Variants in TNKS observed in about 807,000 individuals in gnomAD.
TNKS encodes poly [ADP-ribose] polymerase tankyrase-1.
TNKS carries 72 observed loss-of-function variants against 135.8 expected under a neutral mutation model. That is an observed-to-expected ratio of 0.53 (90% confidence interval 0.44 to 0.64). TNKS has a LOEUF of 0.64. Ranked by LOEUF, TNKS falls within the 30% of genes least tolerant of loss-of-function variation. TNKS has a pLI of 0.00. For synonymous variants in TNKS, 849 were observed against 649.3 expected (o/e 1.31, Z -4.68); for missense variants, 1,769 against 1,674.0 (o/e 1.06, Z -0.99).
intron 5 of TNKS, among the ~76,000 whole-genome samples, chr8:9,703,457 C>T (rs1563178267): frequency 6.6e-6 from 1 of 152,150 alleles, no homozygotes; most frequent in Non-Finnish European, 1.5e-5. Context: ...AGCTGAGACA[C>T]ACGAGTAGCA....
chr8:9,726,830 C>G, intron 13 of TNKS, 110 bp downstream of exon 13: 4 of 887,558 alleles, frequency 4.5e-6, no homozygotes, highest in South Asian at 1.7e-5. Context: ...AAAGGATGAA[C>G]AGAGTCATGG....
chr8:9,706,793 T>G lies in TNKS; in HGVS notation c.1270-18T>G. The G allele has an allele frequency of 6.3e-7, 1 of 1,581,592 alleles. No individual in the cohort carries two copies. The highest frequency in any genetic ancestry group is 1.2e-5 in the South Asian group (1 of 83,668). ...GCAAAATGATTACTGACCTAAAATG[T>G]TTTTTTTCTCAATTCAGCATGGAGC... On this transcript the variant is annotated intron_variant, in intron 7 of 26. Transcript: ENST00000310430.
At chr8:9,632,032 A>T (rs1800312079) in intron 3 of TNKS, among the ~76,000 whole-genome samples, 1 of 152,126 alleles carries the variant, frequency 6.6e-6, no homozygotes, top group African/African-American at 2.4e-5. Context: ...TTTATTTGTT[A>T]TTGTTGTTTG....
At chr8:9,676,974 C>T (rs1290718505) in intron 3 of TNKS, among the ~76,000 whole-genome samples, 1 of 152,138 alleles carries the variant, frequency 6.6e-6, no homozygotes, top group Non-Finnish European at 1.5e-5. Flanking sequence ...CTCCATAGAG[C>T]ACCATAGTCT....
In TNKS at chr8:9,555,927, G is replaced by T. The variant is rs766898393; in HGVS notation, c.-13G>T. The T allele has an allele frequency of 1.2e-6, 2 of 1,604,760 alleles. No homozygotes were observed. Among genetic ancestry groups the T allele is most frequent in the Non-Finnish European group, 1.7e-6 (2 of 1,175,948 alleles). ...GGCCGTTGCCGCAGTGACAGTGCTA[G>T]GGGAGTCCGAAGATGGCGGCGTCGC... is the stretch of plus-strand genomic sequence containing the variant. On this transcript the variant is annotated 5_prime_UTR_variant, in exon 1 of 27. It adds an upstream start codon to the 5' untranslated region. Transcript: ENST00000310430.
intron 20 of TNKS, among the ~76,000 whole-genome samples, chr8:9,758,313 A>C (rs28450671): frequency 3.0e-4 from 45 of 152,208 alleles, no homozygotes; most frequent in African/African-American, 1.1e-3. Flanking sequence ...AAGTTGTCCC[A>C]TTCCCTTTTT....
chr8:9,614,915 A>T (rs530590229), intron 2 of TNKS, among the ~76,000 whole-genome samples: 1 of 152,150 alleles, frequency 6.6e-6, no homozygotes, highest in Admixed American at 6.5e-5. Context: ...TTTTTACCCA[A>T]TATGGCAGGC....
At chr8:9,605,307 A>T (rs951141433) in intron 2 of TNKS, among the ~76,000 whole-genome samples, 2 of 151,712 alleles carry the variant, frequency 1.3e-5, no homozygotes, top group African/African-American at 4.8e-5. Context: ...AGTTTTGGAG[A>T]TTTCATCCCT....
chr8:9,586,201 G>GA (rs887995539), intron 2 of TNKS, among the ~76,000 whole-genome samples: 2 of 152,022 alleles, frequency 1.3e-5, no homozygotes, highest in African/African-American at 4.8e-5. Flanking sequence ...GAAAATGCAA[G>GA]AAAAAATAGA....
intron 17 of TNKS, among the ~76,000 whole-genome samples, chr8:9,742,794 A>G: frequency 6.7e-6 from 1 of 149,966 alleles, no homozygotes; most frequent in Admixed American, 6.7e-5. Flanking sequence ...ATATACTTAT[A>G]TATTTAAGGA....
rs539105873 is a variant in TNKS, at chr8:9,644,813, T to C, written c.994+29136T>C. On this transcript the variant is annotated intron_variant, in intron 3 of 26. Transcript: ENST00000310430. The stretch of plus-strand genomic sequence containing the variant: ...TGGTGCAAAAGTGATACACATTCAG[T>C]GGAGACCATTCTTCAGATGCCCATA... 7.2e-5 allele frequency among the ~76,000 whole-genome samples: 11 copies of C among 152,298 alleles called. No homozygotes were observed. In the South Asian group the frequency reaches 2.3e-3, roughly 32 times the overall value.
chr8:9,603,307 G>A (rs58981097), intron 2 of TNKS, among the ~76,000 whole-genome samples: 12,571 of 151,808 alleles, frequency 0.083, 545 homozygotes, highest in South Asian at 0.18. Flanking sequence ...CGCCCGCCTT[G>A]GCCTCCCAAA....
chr8:9,622,446 A>G (rs188263045), intron 3 of TNKS, among the ~76,000 whole-genome samples: 7 of 152,306 alleles, frequency 4.6e-5, no homozygotes, highest in African/African-American at 1.7e-4. Flanking sequence ...TGTGAAGTAG[A>G]TATTGTTATT....
intron 12 of TNKS, among the ~76,000 whole-genome samples, chr8:9,725,451 C>G (rs954274221): frequency 5.9e-5 from 9 of 152,166 alleles, no homozygotes; most frequent in African/African-American, 1.7e-4. Context: ...AGTAGTTTAT[C>G]TTTTACTGAA....
At chr8:9,705,822 A>G (rs1804014363) in intron 6 of TNKS, among the ~76,000 whole-genome samples, 1 of 152,214 alleles carries the variant, frequency 6.6e-6, no homozygotes, top group Non-Finnish European at 1.5e-5. Context: ...ATTTTGCTAG[A>G]AATTACCATT....
At chr8:9,772,410 C>T (rs1431004040) in intron 26 of TNKS, 2 of 454,900 alleles carry the variant, frequency 4.4e-6, no homozygotes, top group African/African-American at 2.0e-5. Flanking sequence ...GCATTCCAGC[C>T]AAAAATACAT....
intron 2 of TNKS, among the ~76,000 whole-genome samples, chr8:9,593,270 G>T (rs1798654480): frequency 6.6e-6 from 1 of 152,224 alleles, no homozygotes; most frequent in Admixed American, 6.5e-5. Context: ...GTGTGAGGCA[G>T]ATGATTCAGA....
At chr8:9,717,465 T>C (rs1020947967) in intron 11 of TNKS, among the ~76,000 whole-genome samples, 8 of 152,158 alleles carry the variant, frequency 5.3e-5, no homozygotes, top group African/African-American at 2.4e-5. Flanking sequence ...CACTGGCATT[T>C]ACCCTTCTCC....
intron 3 of TNKS, among the ~76,000 whole-genome samples, chr8:9,635,404 TA>T (rs1251439617): frequency 6.6e-6 from 1 of 152,190 alleles, no homozygotes; most frequent in African/African-American, 2.4e-5. Context: ...GAATGCCTAC[TA>T]ATCAATGTGG....
Sources: allele counts gnomAD v4.1 joint callset (sites outside exome capture counted in the v4.1 genomes callset), GRCh38; gene constraint gnomAD v4.1.1; transcripts MANE v1.5; gene names NCBI Gene and HGNC (gene_info 2026-07-23, HGNC 2026-07-21).